Variants in PTPRN2 observed in about 807,000 individuals in gnomAD.
PTPRN2 encodes the protein receptor-type tyrosine-protein phosphatase N2.
In PTPRN2, 74 loss-of-function variants were observed where a neutral mutation model predicts 118.8. The ratio of observed to expected loss-of-function variants is 0.62; its 90% CI spans 0.52 to 0.76. The LOEUF (loss-of-function observed/expected upper bound fraction) is 0.76, where lower values mean the gene tolerates loss of function less well. Ranked by LOEUF, PTPRN2 falls within the 30% of genes least tolerant of loss-of-function variation. The probability of loss-of-function intolerance (pLI) is 0.00; values close to 1 mark genes in which losing one functional copy is unlikely to be tolerated. For missense variants in PTPRN2, 1,481 were observed against 1,394.4 expected, an observed-to-expected ratio of 1.06 and a Z score of -0.99; for synonymous variants, 641 against 608.0, an observed-to-expected ratio of 1.05 and a Z score of -0.80.
At chr7:158,037,822 G>A (rs748558344) in intron 11 of PTPRN2, among the ~76,000 whole-genome samples, 2 of 152,234 alleles carry the variant, frequency 1.3e-5, no homozygotes, top group East Asian at 1.9e-4. Flanking sequence ...GGGAAAGAAT[G>A]GGGGAGGGTT....
intron 3 of PTPRN2, among the ~76,000 whole-genome samples, chr7:158,244,837 A>ATGTG (rs751380143): frequency 7.3e-5 from 11 of 151,252 alleles, no homozygotes; most frequent in Admixed American, 5.3e-4. Flanking sequence ...AGTTGTGCAC[A>ATGTG]TGTGAGTGTA....
intron 12 of PTPRN2, among the ~76,000 whole-genome samples, chr7:157,765,329 TCATC>T (rs1802390774): frequency 6.9e-6 from 1 of 145,942 alleles, no homozygotes; most frequent in African/African-American, 2.5e-5. Flanking sequence ...CATCCCTCCA[TCATC>T]CATCCACCCA....
chr7:157,613,728 G>A lies in PTPRN2; in HGVS notation c.2344+7634C>T, dbSNP rs181162322. ...CGTGCCAGAATCGTCTCCCTAACCC[G>A]GCGGCCGTGGATGAGCAAACCTGCA... On this transcript the variant is annotated intron_variant, in intron 15 of 22. Coordinates refer to ENST00000389418, the MANE Select transcript of PTPRN2 (RefSeq NM_002847.5). Among the ~76,000 whole-genome samples the A allele has an allele frequency of 4.9e-3, 745 of 152,270 alleles. 6 individuals are homozygous for A. Among genetic ancestry groups the A allele is most frequent in the African/African-American group, 0.017 (710 of 41,552 alleles).
At chr7:157,747,224 C>G (rs1323067932) in intron 12 of PTPRN2, among the ~76,000 whole-genome samples, 25 of 88,310 alleles carry the variant, frequency 2.8e-4, no homozygotes, top group South Asian at 4.5e-4. Flanking sequence ...GAGCTGTGGG[C>G]TGTTGAGGTG....
Position 158,274,140 on chromosome 7 carries a change from A to G in PTPRN2, c.277+42679T>C, listed in dbSNP as rs544217071. Among the ~76,000 whole-genome samples the G allele has an allele frequency of 4.5e-3, 308 of 68,486 alleles. 9 individuals carry two copies. Among genetic ancestry groups the G allele is most frequent in the Middle Eastern group, 0.036 (2 of 56 alleles). The allele number at this position is 68,486 out of a possible 152,430, so 44.9% of individuals were successfully genotyped here. On this transcript the variant is annotated intron_variant, in intron 3 of 22. Coordinates refer to ENST00000389418, the MANE Select transcript of PTPRN2 (RefSeq NM_002847.5). The stretch of plus-strand genomic sequence containing the variant: ...CGCAGACACGGGGAGCCGCAGACAC[A>G]GGGAGCCGCAGACACAGGGGGAGCC...
rs1218263738 is a variant in PTPRN2, at chr7:157,598,408, G to C, written c.2419-3093C>G. ...TATCTGTATGGTGGGTGAGCTCAGG[G>C]AGTGAGGAGCTTGGACGTCGGCGTC... is the stretch of plus-strand genomic sequence containing the variant. On this transcript the variant is annotated intron_variant, in intron 16 of 22. Transcript: ENST00000389418. The surrounding 1 kb of genome is among the most constrained non-coding windows in gnomAD (Gnocchi z 5.2). Among the ~76,000 whole-genome samples, 2 of 152,122 alleles carry C rather than the reference G, an allele frequency of 1.3e-5. No individual in the cohort carries two copies. Among genetic ancestry groups the C allele is most frequent in the Non-Finnish European group, 2.9e-5 (2 of 68,044 alleles).
intron 11 of PTPRN2, among the ~76,000 whole-genome samples, chr7:158,004,503 T>C (rs1805511433): frequency 6.6e-6 from 1 of 152,220 alleles, no homozygotes; most frequent in Non-Finnish European, 1.5e-5. Flanking sequence ...AAAAAGTAAT[T>C]CAAAACAATC....
intron 9 of PTPRN2, among the ~76,000 whole-genome samples, chr7:158,132,874 T>TAC (rs1370096140): frequency 6.6e-6 from 1 of 151,984 alleles, no homozygotes; most frequent in Non-Finnish European, 1.5e-5. Context: ...TACACTCATA[T>TAC]ACACACACAT....
chr7:158,149,441 T>C (rs963568833), intron 6 of PTPRN2, among the ~76,000 whole-genome samples: 2 of 143,282 alleles, frequency 1.4e-5, no homozygotes, highest in South Asian at 2.2e-4. Flanking sequence ...TCTCAAGAGG[T>C]AAAAAAAAAA....
At chr7:157,565,223 G>A (rs908385984) in intron 21 of PTPRN2, among the ~76,000 whole-genome samples, 1 of 152,200 alleles carries the variant, frequency 6.6e-6, no homozygotes. Context: ...GTCTATGCCC[G>A]TGTGGACACC....
chr7:157,982,552 C>G lies in PTPRN2; in HGVS notation c.1724-83815G>C, dbSNP rs185516580. 2.4e-3 allele frequency among the ~76,000 whole-genome samples: 303 copies of G among 123,862 alleles called. 5 individuals carry two copies. Among genetic ancestry groups the G allele is most frequent in the Admixed American group, 7.0e-3 (86 of 12,278 alleles). The allele number at this position is 123,862 out of a possible 152,430, so 81.3% of individuals were successfully genotyped here. A position where few individuals can be genotyped will look rare whatever the true frequency, so the allele number is the denominator to read the frequency against. On this transcript the variant is annotated intron_variant, in intron 11 of 22. Transcript: ENST00000389418. ...GAGACGAGGAGGGGAATGCAGAGTG[C>G]AGGGTCCCCCCAAACCCTGAGTCAT... is the stretch of plus-strand genomic sequence containing the variant.
intron 2 of PTPRN2, among the ~76,000 whole-genome samples, chr7:158,332,617 G>C (rs1420801784): frequency 6.8e-6 from 1 of 147,074 alleles, no homozygotes; most frequent in African/African-American, 2.6e-5. Context: ...GACACCTGCA[G>C]ATGTCACTCA....
chr7:158,567,682 C>T (rs1325810991), intron 1 of PTPRN2, among the ~76,000 whole-genome samples: 1 of 152,134 alleles, frequency 6.6e-6, no homozygotes, highest in Non-Finnish European at 1.5e-5. Context: ...GTACGGGCAT[C>T]GTGCCGAAAG....
At chr7:158,250,311 G>T (rs1352841744) in intron 3 of PTPRN2, among the ~76,000 whole-genome samples, 1 of 152,036 alleles carries the variant, frequency 6.6e-6, no homozygotes, top group Non-Finnish European at 1.5e-5. Flanking sequence ...TCCTACTGTT[G>T]CATAATTTTC....
At chr7:158,138,215 C>T (rs1585574931) in intron 7 of PTPRN2, 79 bp downstream of exon 7, 1 of 1,284,004 alleles carries the variant, frequency 7.8e-7, no homozygotes, top group Non-Finnish European at 1.1e-6. Context: ...ACTTGGTGAG[C>T]CAGCAGTCTC....
intron 12 of PTPRN2, among the ~76,000 whole-genome samples, chr7:157,694,397 C>G (rs1202585021): frequency 6.6e-6 from 1 of 152,172 alleles, no homozygotes; most frequent in Non-Finnish European, 1.5e-5. Context: ...CTGAGAGCCT[C>G]CAACTCACTC....
intron 12 of PTPRN2, among the ~76,000 whole-genome samples, chr7:157,812,232 G>A (rs550235251): frequency 2.0e-5 from 3 of 152,318 alleles, no homozygotes; most frequent in East Asian, 1.9e-4. Flanking sequence ...CCGAGGGGCC[G>A]TCCTCCTCCC....
At chr7:158,032,480 G>A (rs1037663974) in intron 11 of PTPRN2, among the ~76,000 whole-genome samples, 2 of 152,186 alleles carry the variant, frequency 1.3e-5, no homozygotes, top group African/African-American at 4.8e-5. Flanking sequence ...AAGGCCGGAT[G>A]CAGTGAGTGG....
chr7:158,130,817 CACAT>C (rs1438711141), intron 9 of PTPRN2, among the ~76,000 whole-genome samples: 3 of 151,832 alleles, frequency 2.0e-5, no homozygotes, highest in Non-Finnish European at 2.9e-5. Flanking sequence ...CCAACACACA[CACAT>C]ACACACACGT....
Sources: gnomAD v4.1 joint callset for allele counts (sites outside exome capture counted in the v4.1 genomes callset) on GRCh38, gnomAD v4.1.1 for gene constraint, Gnocchi (gnomAD v3.1) non-coding constraint, MANE v1.5 for transcripts, NCBI Gene and HGNC (gene_info 2026-07-23, HGNC 2026-07-21) for gene names.